CATSPERT: variants seen among roughly 807,000 people sequenced by gnomAD.
The protein encoded by CATSPERT is cation channel sperm-associated targeting subunit tau.
the CATSPERT span, among the ~76,000 whole-genome samples, chr2:201,569,882 A>G: frequency 2.6e-5 from 4 of 152,178 alleles, no homozygotes; most frequent in South Asian, 6.2e-4. Context: ...ACAGCATTAA[A>G]TGCAAAAATG....
chr2:201,546,698 G>A, the CATSPERT span, among the ~76,000 whole-genome samples: 1 of 152,120 alleles, frequency 6.6e-6, no homozygotes, highest in African/African-American at 2.4e-5. Flanking sequence ...TGATGCAGCT[G>A]CTGTGGAAAA....
chr2:201,600,550 T>A, the CATSPERT span, among the ~76,000 whole-genome samples: 1 of 151,874 alleles, frequency 6.6e-6, no homozygotes, highest in South Asian at 2.1e-4. Flanking sequence ...CAAACCTACA[T>A]GTTGTGCACA....
chr2:201,602,628 T>C, the CATSPERT span, among the ~76,000 whole-genome samples: 1 of 152,176 alleles, frequency 6.6e-6, no homozygotes, highest in Non-Finnish European at 1.5e-5. Context: ...TTCATTTATA[T>C]GGTGATTGAG....
the CATSPERT span, among the ~76,000 whole-genome samples, chr2:201,563,425 CT>C: frequency 4.6e-5 from 3 of 65,620 alleles, no homozygotes; most frequent in Non-Finnish European, 6.6e-5. Flanking sequence ...GGCTGACCCC[CT>C]CACCTCCCTC....
chr2:201,567,145 G>C, the CATSPERT span, among the ~76,000 whole-genome samples: 1 of 152,144 alleles, frequency 6.6e-6, no homozygotes, highest in East Asian at 1.9e-4. Context: ...CCCTTCTCCA[G>C]ATATGCTCTT....
chr2:201,595,421 C>A, the CATSPERT span, among the ~76,000 whole-genome samples: 6 of 152,034 alleles, frequency 3.9e-5, no homozygotes, highest in Admixed American at 2.0e-4. Context: ...ATCTCCTGAC[C>A]TCGTGATCCG....
At chr2:201,601,672 G>C in the CATSPERT span, 1 of 1,437,270 alleles carries the variant, frequency 7.0e-7, no homozygotes, top group South Asian at 1.4e-5. Flanking sequence ...TAAAAAGACA[G>C]AATTAGGGTA....
At chr2:201,491,186 C>T in the CATSPERT span, 1 of 1,529,582 alleles carries the variant, frequency 6.5e-7, no homozygotes, top group Admixed American at 2.1e-5. Flanking sequence ...GTTCTTCTTG[C>T]AGTCCAGTGA....
chr2:201,497,545 C>T, the CATSPERT span, among the ~76,000 whole-genome samples: 2 of 152,040 alleles, frequency 1.3e-5, no homozygotes, highest in Non-Finnish European at 2.9e-5. Context: ...ACAAAAAATT[C>T]CCCCTATTAC....
the CATSPERT span, among the ~76,000 whole-genome samples, chr2:201,504,828 C>T: frequency 1.3e-5 from 2 of 152,168 alleles, no homozygotes; most frequent in Non-Finnish European, 2.9e-5. Flanking sequence ...TTCCTAGTGC[C>T]AGTGTACTGG....
the CATSPERT span, chr2:201,492,435 T>C: frequency 1.1e-4 from 164 of 1,533,424 alleles, 3 homozygotes; most frequent in South Asian, 1.4e-3. Context: ...GATAGTTTTG[T>C]AGAGATTTAC....
At chr2:201,516,930 C>CTTTTT in the CATSPERT span, among the ~76,000 whole-genome samples, 2 of 135,518 alleles carry the variant, frequency 1.5e-5, no homozygotes, top group Non-Finnish European at 1.6e-5. Context: ...AATAGGAAGG[C>CTTTTT]TTTTTTTTTT....
chr2:201,601,631 A>G, the CATSPERT span: 3 of 1,045,662 alleles, frequency 2.9e-6, no homozygotes, highest in African/African-American at 3.3e-5. Flanking sequence ...AAAGGCACTT[A>G]CTGCTTTTGT....
chr2:201,535,551 AT>A, the CATSPERT span: 7 of 982,348 alleles, frequency 7.1e-6, no homozygotes, highest in Non-Finnish European at 8.5e-6. Context: ...AGGCTTTTAA[AT>A]TTCCTTTGAA....
chr2:201,509,295 C>G, the CATSPERT span, among the ~76,000 whole-genome samples: 1 of 150,990 alleles, frequency 6.6e-6, no homozygotes, highest in East Asian at 1.9e-4. Flanking sequence ...TGTATAGCTT[C>G]TTTGGAGAAC....
the CATSPERT span, chr2:201,535,789 T>C: frequency 7.3e-7 from 1 of 1,364,810 alleles, no homozygotes; most frequent in Non-Finnish European, 9.4e-7. Flanking sequence ...TAAAATAGAT[T>C]ATTTTGTCTC....
the CATSPERT span, among the ~76,000 whole-genome samples, chr2:201,506,125 G>A: frequency 9.2e-5 from 14 of 152,226 alleles, no homozygotes; most frequent in Middle Eastern, 3.4e-3. Flanking sequence ...AAATTAGCTG[G>A]GGGCGGTGGC....
At chr2:201,492,320 T>C in the CATSPERT span, 17 of 1,536,126 alleles carry the variant, frequency 1.1e-5, no homozygotes, top group Non-Finnish European at 1.5e-5. Context: ...AATTGCTTTT[T>C]TGTCATTAGT....
At chr2:201,561,804 G>A in the CATSPERT span, among the ~76,000 whole-genome samples, 1 of 151,968 alleles carries the variant, frequency 6.6e-6, no homozygotes, top group African/African-American at 2.4e-5. Flanking sequence ...AACTCGGGAG[G>A]CAGAGGTTGC....
Sources: gnomAD v4.1 joint callset for allele counts (sites outside exome capture counted in the v4.1 genomes callset) on GRCh38, gnomAD v4.1.1 for gene constraint, MANE v1.5 for transcripts, NCBI Gene and HGNC (gene_info 2026-07-23, HGNC 2026-07-21) for gene names.